Variants in SPAG17 observed in about 807,000 individuals in gnomAD.
The protein encoded by SPAG17 is sperm associated antigen 17, also known as sperm-associated antigen 17.
A neutral mutation model predicts 273.6 loss-of-function variants in SPAG17; 169 were observed. The ratio of observed to expected loss-of-function variants is 0.62; its 90% confidence interval spans 0.55 to 0.70. The LOEUF (loss-of-function observed/expected upper bound fraction) is 0.70, where lower values mean the gene tolerates loss of function less well. Among genes scored for constraint, SPAG17 ranks in the 30% least tolerant of loss-of-function variants. The pLI is 0.00. For missense variants in SPAG17, 2,557 were observed against 2,627.8 expected, an observed-to-expected ratio of 0.97 and a Z score of 0.59; for synonymous variants, 825 against 873.2, an observed-to-expected ratio of 0.94 and a Z score of 0.97.
intron 1 of SPAG17, among the ~76,000 whole-genome samples, chr1:118,161,191 G>A (rs1275345490): frequency 6.6e-6 from 1 of 152,150 alleles, no homozygotes; most frequent in South Asian, 2.1e-4. Context: ...TCTTGTAAAG[G>A]CTATTTAACA....
chr1:118,099,856 A>G, intron 5 of SPAG17, 56 bp from the exon 6 acceptor site: 1 of 1,514,158 alleles, frequency 6.6e-7, no homozygotes, highest in Non-Finnish European at 9.1e-7. Flanking sequence ...AGCAGGTTGC[A>G]CTCAGCCAGT....
At chr1:118,175,228 C>T (rs2102401348) in intron 1 of SPAG17, among the ~76,000 whole-genome samples, 1 of 152,216 alleles carries the variant, frequency 6.6e-6, no homozygotes, top group Admixed American at 6.5e-5. Flanking sequence ...CGGGGTTTCA[C>T]CATGTTGCCC....
intron 20 of SPAG17, among the ~76,000 whole-genome samples, chr1:118,046,076 G>A (rs747561835): frequency 6.6e-6 from 1 of 152,088 alleles, no homozygotes; most frequent in Non-Finnish European, 1.5e-5. Flanking sequence ...GGTGGTTCAC[G>A]CCTGTAATTC....
chr1:117,973,008 G>A (rs541789453), intron 44 of SPAG17, among the ~76,000 whole-genome samples: 172 of 152,332 alleles, frequency 1.1e-3, no homozygotes, highest in Non-Finnish European at 2.0e-3. Flanking sequence ...AAGAGTCATG[G>A]CAACGGTGGC....
At chr1:118,122,746 A>G (rs968091271) in intron 3 of SPAG17, among the ~76,000 whole-genome samples, 11 of 152,222 alleles carry the variant, frequency 7.2e-5, no homozygotes, top group African/African-American at 9.6e-5. Flanking sequence ...GAGATGACCC[A>G]TGTAAATACT....
At chr1:118,042,147 T>C in intron 20 of SPAG17, 105 bp from the exon 21 acceptor site, 1 of 1,347,848 alleles carries the variant, frequency 7.4e-7, no homozygotes, top group Non-Finnish European at 1.0e-6. Context: ...TGTTAGTGTA[T>C]CTCTGACAAA....
At chr1:118,110,633 G>T in intron 4 of SPAG17, among the ~76,000 whole-genome samples, 1 of 151,882 alleles carries the variant, frequency 6.6e-6, no homozygotes, top group East Asian at 1.9e-4. Flanking sequence ...TGGCTGGTTA[G>T]CTCAGGGCAT....
chr1:118,085,794 ACCC>A (rs1262520090), intron 13 of SPAG17, 125 bp downstream of exon 13: 1 of 835,272 alleles, frequency 1.2e-6, no homozygotes, highest in Non-Finnish European at 1.8e-6. Flanking sequence ...CAATCAAAAT[ACCC>A]ACCTTAGCCT....
At chr1:118,126,199 T>C (rs1033058642) in intron 3 of SPAG17, among the ~76,000 whole-genome samples, 2 of 144,238 alleles carry the variant, frequency 1.4e-5, no homozygotes, top group Non-Finnish European at 3.0e-5. Flanking sequence ...TCAGATCCTT[T>C]ATCCTTTTTT....
chr1:118,084,171 G>A (rs1654816034), intron 13 of SPAG17, among the ~76,000 whole-genome samples: 1 of 152,114 alleles, frequency 6.6e-6, no homozygotes, highest in African/African-American at 2.4e-5. Flanking sequence ...GGGTAGTTAT[G>A]TGCACAACAG....
At chr1:118,079,287 A>G (rs1015939931) in intron 15 of SPAG17, among the ~76,000 whole-genome samples, 28 of 152,040 alleles carry the variant, frequency 1.8e-4, no homozygotes, top group African/African-American at 6.0e-4. Context: ...TTCTTGGGTC[A>G]TTATTGGTAA....
chr1:117,964,249 T>TC (rs1653512015), intron 47 of SPAG17: 1 of 196,118 alleles, frequency 5.1e-6, no homozygotes, highest in African/African-American at 2.3e-5. Flanking sequence ...TTTTTTTTTT[T>TC]TTTTGGTGGG....
At chr1:117,982,990 C>T (rs1216566095) in intron 42 of SPAG17, among the ~76,000 whole-genome samples, 1 of 152,130 alleles carries the variant, frequency 6.6e-6, no homozygotes, top group Non-Finnish European at 1.5e-5. Flanking sequence ...GGCAAGAATT[C>T]TCTATAGGAT....
chr1:118,093,068 A>G, intron 8 of SPAG17, 88 bp downstream of exon 8: 1 of 1,386,940 alleles, frequency 7.2e-7, no homozygotes, highest in Non-Finnish European at 9.8e-7. Flanking sequence ...GTATTTATGT[A>G]ACTTTTTCTT....
intron 46 of SPAG17, among the ~76,000 whole-genome samples, chr1:117,968,617 G>C (rs1262951928): frequency 6.6e-6 from 1 of 152,226 alleles, no homozygotes; most frequent in Non-Finnish European, 1.5e-5. Context: ...GAACTTTACA[G>C]ATGAGGAAAA....
In SPAG17 at chr1:118,093,288, A is replaced by T; in HGVS notation, c.1041T>A (p.Asn347Lys). 1 of 1,611,576 alleles carries T rather than the reference A, an allele frequency of 6.2e-7. No individual in the cohort carries two copies. Among genetic ancestry groups the T allele is most frequent in the African/African-American group, 1.3e-5 (1 of 74,970 alleles). The change falls in exon 8 of 49, where the codon AAT (asparagine) becomes AAA (lysine). Residue 347 changes from asparagine to lysine, a missense_variant. By Grantham distance (94) the Asn-to-Lys change is moderately conservative (BLOSUM62 0). Coordinates refer to ENST00000336338, the MANE Select transcript of SPAG17 (RefSeq NM_206996.4). ...MLKLGTDIFE[N>K]IACLMYDILD... ...GGATGTCATACATCAAGCAGGCAAT[A>T]TTTTCAAAAATATCAGTGCCCAATT...
At chr1:118,160,610 T>A (rs919375845) in intron 1 of SPAG17, among the ~76,000 whole-genome samples, 1 of 152,248 alleles carries the variant, frequency 6.6e-6, no homozygotes, top group Non-Finnish European at 1.5e-5. Flanking sequence ...ACATCCATCT[T>A]GAGTGGGGCA....
chr1:118,158,172 A>G (rs1659745129), intron 1 of SPAG17, among the ~76,000 whole-genome samples: 2 of 152,228 alleles, frequency 1.3e-5, no homozygotes, highest in African/African-American at 4.8e-5. Flanking sequence ...GGAATGTATA[A>G]TAATTTTTTC....
At chr1:118,127,338 C>T (rs965879531) in intron 3 of SPAG17, among the ~76,000 whole-genome samples, 3 of 152,066 alleles carry the variant, frequency 2.0e-5, no homozygotes, top group Non-Finnish European at 2.9e-5. Flanking sequence ...CTGGCATCTG[C>T]GCAGCTTCTA....
Sources: gnomAD v4.1 joint callset for allele counts (sites outside exome capture counted in the v4.1 genomes callset) on GRCh38, gnomAD v4.1.1 for gene constraint, MANE v1.5 for transcripts, NCBI Gene and HGNC (gene_info 2026-07-23, HGNC 2026-07-21) for gene names.